The following VAV2 variants were observed in gnomAD, a reference collection of about 807,000 sequenced individuals.
VAV2 encodes guanine nucleotide exchange factor VAV2.
In VAV2, 67 loss-of-function variants were observed where a neutral mutation model predicts 132.5. That is an observed-to-expected ratio of 0.51 (90% CI 0.42 to 0.62). The LOEUF (loss-of-function observed/expected upper bound fraction) is 0.62. Ranked by LOEUF, VAV2 falls within the 20% of genes least tolerant of loss-of-function variation. VAV2 has a pLI of 0.00. For missense variants in VAV2, 938 were observed against 1,153.6 expected (o/e 0.81, Z 2.71); for synonymous variants, 492 against 443.5 (o/e 1.11, Z -1.37).
rs1330634619 is a variant in VAV2 at position 133,769,169 on chromosome 9, T to A, written c.2434+248A>T. 1.3e-5 allele frequency among the ~76,000 whole-genome samples: 2 copies of A among 152,200 alleles called. No homozygotes were observed. Among genetic ancestry groups the A allele is most frequent in the Non-Finnish European group, 2.9e-5 (2 of 68,030 alleles). On this transcript the variant is annotated intron_variant, in intron 28 of 29. Coordinates refer to ENST00000371850, the MANE Select transcript of VAV2 (RefSeq NM_001134398.2). This position sits in a 1 kb window ranked among gnomAD's most constrained non-coding sequence, Gnocchi z 8.1. The stretch of plus-strand genomic sequence containing the variant: ...GTGGACGGGGCTGGGAAAGTGGCCA[T>A]CAGGGTGGGCGTGTCCACAGGGGGT...
rs758737018 is a variant in VAV2, at chr9:133,778,795, C to T, written c.1857G>A (p.Leu619=). The change falls in exon 22 of 30, where the codon CTG becomes CTA. Residue 619 remains leucine (L), a synonymous_variant. Coordinates refer to ENST00000371850, the MANE Select transcript of VAV2 (RefSeq NM_001134398.2). The stretch of plus-strand genomic sequence containing the variant: ...ACGGAGACTCAGGGTCGCCCCTCAG[C>T]AGCTCAAGCACGTCGCCCGTCTGGA... ...LTFQTGDVLE[L]LRGDPESPWW... is the part of the protein sequence containing the mutation. 6.2e-7 allele frequency: 1 copy of T among 1,613,022 alleles called. No homozygotes were observed. The highest frequency in any genetic ancestry group is 8.5e-7 in the Non-Finnish European group (1 of 1,180,022).
At chr9:133,925,635 G>A (rs1840451118) in intron 2 of VAV2, among the ~76,000 whole-genome samples, 1 of 152,112 alleles carries the variant, frequency 6.6e-6, no homozygotes, top group Non-Finnish European at 1.5e-5. Context: ...CTTGCTGCTG[G>A]GGATCTGGGA....
At chr9:133,871,901 CAG>C (rs1838070664) in intron 2 of VAV2, among the ~76,000 whole-genome samples, 1 of 152,040 alleles carries the variant, frequency 6.6e-6, no homozygotes, top group African/African-American at 2.4e-5. Context: ...GAGCCCCCAG[CAG>C]GTGGTTCAGG....
chr9:133,798,383 C>T (rs906893964), intron 9 of VAV2, among the ~76,000 whole-genome samples: 2 of 152,228 alleles, frequency 1.3e-5, no homozygotes, highest in African/African-American at 4.8e-5. Flanking sequence ...GCCCCCGGAC[C>T]TGGGAGGACG....
intron 2 of VAV2, among the ~76,000 whole-genome samples, chr9:133,887,857 G>A (rs1243567380): frequency 1.3e-5 from 2 of 151,514 alleles, no homozygotes; most frequent in Non-Finnish European, 2.9e-5. Context: ...AGGCTCCTGC[G>A]TGGCCAGCCT....
chr9:133,842,893 C>G (rs1836781872), intron 3 of VAV2, among the ~76,000 whole-genome samples: 1 of 152,228 alleles, frequency 6.6e-6, no homozygotes, highest in South Asian at 2.1e-4. Flanking sequence ...AAGGCACCAT[C>G]AGGAAGCGCA....
chr9:133,854,230 C>G (rs1180026999), intron 3 of VAV2, among the ~76,000 whole-genome samples: 1 of 151,254 alleles, frequency 6.6e-6, no homozygotes, highest in Non-Finnish European at 1.5e-5. Context: ...CCCATGTGCA[C>G]CTGCACACAT....
At chr9:133,779,875 C>T (rs1454248027) in intron 21 of VAV2, 43 bp downstream of exon 21, 3 of 1,603,454 alleles carry the variant, frequency 1.9e-6, no homozygotes, top group Non-Finnish European at 2.6e-6. Context: ...CAGGTGATGG[C>T]TGACATGGGT....
chr9:133,851,909 GTGGA>G (rs58259577), intron 3 of VAV2, among the ~76,000 whole-genome samples: 10,137 of 140,740 alleles, frequency 0.072, 369 homozygotes, highest in African/African-American at 0.11. Flanking sequence ...GGATGGATGG[GTGGA>G]TGGATGGATG....
chr9:133,945,043 A>T (rs1303620662), intron 1 of VAV2, among the ~76,000 whole-genome samples: 1 of 152,126 alleles, frequency 6.6e-6, no homozygotes, highest in Non-Finnish European at 1.5e-5. Flanking sequence ...AGCTCCCTTG[A>T]GTCACTGCAG....
rs115069181 is a variant in VAV2, at chr9:133,908,762, G to A, written c.321+30341C>T. 8.3e-3 allele frequency among the ~76,000 whole-genome samples: 1,266 copies of A among 152,366 alleles called. 20 individuals are homozygous for A. Among genetic ancestry groups the A allele is most frequent in the African/African-American group, 0.027 (1,126 of 41,586 alleles). On this transcript the variant is annotated intron_variant, in intron 2 of 29. Coordinates refer to ENST00000371850, the MANE Select transcript of VAV2 (RefSeq NM_001134398.2). Reference sequence around the variant, plus strand: ...AGCGCTGCACCCCTCTGAGGCAGACGCAGCTACAAACCAGGTGCCAGGAGC... The same window carrying A: ...AGCGCTGCACCCCTCTGAGGCAGACACAGCTACAAACCAGGTGCCAGGAGC...
At chr9:133,894,407 G>T (rs545290907) in intron 2 of VAV2, among the ~76,000 whole-genome samples, 1 of 152,308 alleles carries the variant, frequency 6.6e-6, no homozygotes, top group South Asian at 2.1e-4. Flanking sequence ...AAACCAACAG[G>T]AACACTGTGG....
At chr9:133,795,862 G>T in intron 11 of VAV2, 126 bp from the exon 12 acceptor site, 1 of 1,027,956 alleles carries the variant, frequency 9.7e-7, no homozygotes, top group Non-Finnish European at 1.4e-6. Context: ...CCACCCGCCA[G>T]CCAGGCTGGG....
At chr9:133,979,469 G>A (rs1030176042) in intron 1 of VAV2, among the ~76,000 whole-genome samples, 7 of 152,198 alleles carry the variant, frequency 4.6e-5, no homozygotes, top group African/African-American at 7.2e-5. Context: ...GCATGAGGAC[G>A]GCTCGGCTCC....
intron 2 of VAV2, among the ~76,000 whole-genome samples, chr9:133,925,196 AT>A (rs1840430060): frequency 6.6e-6 from 1 of 152,178 alleles, no homozygotes; most frequent in Non-Finnish European, 1.5e-5. Context: ...GGTAACTCTT[AT>A]GTTATTTTAT....
chr9:133,921,902 T>C (rs527944886), intron 2 of VAV2, among the ~76,000 whole-genome samples: 1 of 152,376 alleles, frequency 6.6e-6, no homozygotes, highest in South Asian at 2.1e-4. Flanking sequence ...CTGATCGTGA[T>C]GGGACTGGAA....
Position 133,857,163 on chromosome 9 carries a change from C to G in VAV2, c.380+4211G>C, listed in dbSNP as rs1837416749. Among the ~76,000 whole-genome samples, 1 of 152,216 alleles carries G rather than the reference C, an allele frequency of 6.6e-6. No individual in the cohort carries two copies. The highest frequency in any genetic ancestry group is 6.5e-5 in the Admixed American group (1 of 15,282). On this transcript the variant is annotated intron_variant, in intron 3 of 29. Transcript: ENST00000371850. This position sits in a 1 kb window ranked among gnomAD's most constrained non-coding sequence, Gnocchi z 4.0. Reference sequence around the variant, plus strand: ...AGTCCTACCCTTCACCATCTCCTCCCTCCCAGCCGTTCAGAGCTGTGATGA... The same window carrying G: ...AGTCCTACCCTTCACCATCTCCTCCGTCCCAGCCGTTCAGAGCTGTGATGA...
intron 2 of VAV2, among the ~76,000 whole-genome samples, chr9:133,886,545 G>C (rs1295761039): frequency 6.6e-6 from 1 of 152,204 alleles, no homozygotes; most frequent in East Asian, 1.9e-4. Context: ...CCTGGGCCCC[G>C]TGTCGGAGTC....
At chr9:133,785,699 G>C (rs931610043) in intron 17 of VAV2, 77 bp downstream of exon 17, 3 of 1,426,486 alleles carry the variant, frequency 2.1e-6, no homozygotes, top group Non-Finnish European at 2.9e-6. Context: ...AGGAACCACA[G>C]ACACAATCCA....
Sources: gnomAD v4.1 joint callset for allele counts (sites outside exome capture counted in the v4.1 genomes callset) on GRCh38, gnomAD v4.1.1 for gene constraint, Gnocchi (gnomAD v3.1) non-coding constraint, MANE v1.5 for transcripts, NCBI Gene and HGNC (gene_info 2026-07-23, HGNC 2026-07-21) for gene names.